Variants in ENOX2 observed in about 807,000 individuals in gnomAD.
ENOX2 encodes the protein ecto-NOX disulfide-thiol exchanger 2.
ENOX2 carries 36 observed loss-of-function variants against 45.0 expected under a neutral mutation model. The ratio of observed to expected loss-of-function variants is 0.80; its 90% CI spans 0.61 to 1.06. The LOEUF is 1.06. ENOX2 is among the 50% of genes least tolerant of loss of function. ENOX2 has a pLI of 0.00. For missense variants in ENOX2, 423 were observed against 462.5 expected, an observed-to-expected ratio of 0.91 and a Z score of 0.78; for synonymous variants, 174 against 152.3, an observed-to-expected ratio of 1.14 and a Z score of -1.05.
chrX:130,728,459 G>A (rs1479019758), intron 3 of ENOX2, among the ~76,000 whole-genome samples: 3 of 111,308 alleles, frequency 2.7e-5, no homozygotes, highest in South Asian at 3.9e-4. Flanking sequence ...TCATGACTGT[G>A]CCCTTGTCCT....
intron 9 of ENOX2, among the ~76,000 whole-genome samples, chrX:130,664,939 T>C (rs2036792416): frequency 8.9e-6 from 1 of 112,378 alleles, no homozygotes; most frequent in East Asian, 2.8e-4. Flanking sequence ...AAATTGAAAA[T>C]ATTGGGACTT....
intron 3 of ENOX2, among the ~76,000 whole-genome samples, chrX:130,756,779 G>A (rs751549760): frequency 1.5e-3 from 173 of 112,231 alleles, no homozygotes; most frequent in Non-Finnish European, 2.8e-3. Flanking sequence ...AGCTGCAGGT[G>A]GGAAGCTATT....
intron 3 of ENOX2, among the ~76,000 whole-genome samples, chrX:130,725,778 T>A: frequency 9.0e-6 from 1 of 111,479 alleles, no homozygotes; most frequent in Non-Finnish European, 1.9e-5. Context: ...AGGTGAGTAA[T>A]TCCTGCATCT....
intron 13 of ENOX2, among the ~76,000 whole-genome samples, chrX:130,629,383 T>C (rs751831471): frequency 3.6e-5 from 4 of 112,516 alleles, no homozygotes; most frequent in African/African-American, 6.4e-5. Context: ...ATTGAAAAAA[T>C]AGATTTTCCT....
At position 130,679,675 on chromosome X, in the gene ENOX2, A is replaced by T; in HGVS notation, c.327T>A (p.Asn109Lys). The T allele has an allele frequency of 8.3e-7, 1 of 1,210,816 alleles. No individual in the cohort carries two copies. Among genetic ancestry groups the T allele is most frequent in the Non-Finnish European group, 1.1e-6 (1 of 894,790 alleles). The change falls in exon 6 of 15, where the codon AAT becomes AAA. Residue 109 changes from asparagine (N) to lysine (K), a missense_variant. Around this residue, in one of 5 missense-constraint regions of ENOX2, gnomAD observed 261 missense variants for 306.8 expected, o/e 0.85. Coordinates refer to ENST00000394363, the MANE Select transcript of ENOX2 (RefSeq NM_006375.4). ...CTTCCACAATGATTTGCTCTGTCCC[A>T]TTTTCAGGCAGACCACCCACAAATA... ...KTVFVGGLPE[N>K]GTEQIIVEVF...
At chrX:130,764,143 G>A (rs1603342708) in intron 3 of ENOX2, among the ~76,000 whole-genome samples, 1 of 110,868 alleles carries the variant, frequency 9.0e-6, no homozygotes, top group African/African-American at 3.3e-5. Flanking sequence ...AAGTTCTGAT[G>A]TCCCTAGACA....
intron 5 of ENOX2, among the ~76,000 whole-genome samples, chrX:130,682,175 T>G (rs1438303161): frequency 9.0e-6 from 1 of 111,233 alleles, no homozygotes; most frequent in Non-Finnish European, 1.9e-5. Flanking sequence ...CAAAGAATCC[T>G]TTTGTGAAGT....
chrX:130,753,700 T>C (rs887639221), intron 3 of ENOX2, among the ~76,000 whole-genome samples: 1 of 112,371 alleles, frequency 8.9e-6, no homozygotes, highest in Non-Finnish European at 1.9e-5. Context: ...CATTCTTTTT[T>C]ATGGCTGAAT....
At chrX:130,760,320 T>G (rs2039451941) in intron 3 of ENOX2, among the ~76,000 whole-genome samples, 1 of 111,852 alleles carries the variant, frequency 8.9e-6, no homozygotes, top group Non-Finnish European at 1.9e-5. Context: ...CCCTCATTTT[T>G]CTGATCTGTA....
At chrX:130,744,403 CAGAG>C (rs1378817137) in intron 3 of ENOX2, among the ~76,000 whole-genome samples, 2 of 112,126 alleles carry the variant, frequency 1.8e-5, no homozygotes, top group Non-Finnish European at 3.8e-5. Flanking sequence ...CTCACACACA[CAGAG>C]AGAGACACAT....
chrX:130,627,389 T>C (rs1295503549), intron 14 of ENOX2, among the ~76,000 whole-genome samples: 1 of 111,591 alleles, frequency 9.0e-6, no homozygotes, highest in Admixed American at 9.5e-5. Context: ...AAGGCCAGCC[T>C]GGGCAACACG....
chrX:130,846,584 G>A (rs762783547), intron 2 of ENOX2, among the ~76,000 whole-genome samples: 1 of 111,934 alleles, frequency 8.9e-6, no homozygotes, highest in South Asian at 3.7e-4. Flanking sequence ...TGATCTGCTC[G>A]CATCAGCCTC....
rs747342393 is a variant in ENOX2, at chrX:130,731,457, A to C, written c.-38-28203T>G. The stretch of plus-strand genomic sequence containing the variant: ...TCAATTGATTTTTGACAAAGGTGCA[A>C]AACCAATTCAATAGTTTTTAACAAA... On this transcript the variant is annotated intron_variant, in intron 3 of 14. Coordinates refer to ENST00000394363, the MANE Select transcript of ENOX2 (RefSeq NM_006375.4). 1.3e-4 allele frequency among the ~76,000 whole-genome samples: 15 copies of C among 112,086 alleles called. No homozygotes were observed. The South Asian group carries it at 5.6e-3, about 42-fold the overall frequency.
At chrX:130,809,741 T>C (rs911685902) in intron 2 of ENOX2, among the ~76,000 whole-genome samples, 6 of 110,690 alleles carry the variant, frequency 5.4e-5, no homozygotes, top group African/African-American at 2.0e-4. Flanking sequence ...ACAAAATGTG[T>C]GTCGTGTGTG....
At chrX:130,793,573 G>A (rs1487864306) in intron 2 of ENOX2, among the ~76,000 whole-genome samples, 2 of 111,813 alleles carry the variant, frequency 1.8e-5, no homozygotes, top group South Asian at 3.8e-4. Flanking sequence ...TCAGAACACT[G>A]CTAGCAGTGA....
chrX:130,778,812 T>C (rs2039913513), intron 3 of ENOX2, among the ~76,000 whole-genome samples: 2 of 112,445 alleles, frequency 1.8e-5, no homozygotes, highest in South Asian at 7.3e-4. Flanking sequence ...CAAATCTATC[T>C]TTCAACCCAG....
intron 3 of ENOX2, among the ~76,000 whole-genome samples, chrX:130,709,586 C>T (rs1199617143): frequency 9.5e-5 from 9 of 95,003 alleles, no homozygotes; most frequent in African/African-American, 3.2e-4. Context: ...TGCAGTGAGC[C>T]GAGATCACAC....
At chrX:130,741,450 T>A (rs1042396431) in intron 3 of ENOX2, among the ~76,000 whole-genome samples, 9 of 111,650 alleles carry the variant, frequency 8.1e-5, no homozygotes, top group African/African-American at 2.9e-4. Flanking sequence ...CTTAAAGGTA[T>A]GGTATGCTGG....
intron 2 of ENOX2, among the ~76,000 whole-genome samples, chrX:130,838,591 A>G (rs2077965605): frequency 9.0e-6 from 1 of 111,392 alleles, no homozygotes; most frequent in African/African-American, 3.3e-5. Context: ...CTTTCTTTAC[A>G]TGGTAGTGTT....
Sources: allele counts gnomAD v4.1 joint callset (sites outside exome capture counted in the v4.1 genomes callset), GRCh38; gene constraint gnomAD v4.1.1; regional missense constraint gnomAD v4.1.1; transcripts MANE v1.5; gene names NCBI Gene and HGNC (gene_info 2026-07-23, HGNC 2026-07-21).